The following SBF1 variants were observed in gnomAD, a reference collection of about 807,000 sequenced individuals.
SBF1 encodes SET binding factor 1, also known as myotubularin-related protein 5.
Under a neutral mutation model 215.8 loss-of-function variants are expected in SBF1, and 65 were observed. That is an observed-to-expected ratio of 0.30 (90% CI 0.25 to 0.37). The LOEUF is 0.37. Among genes scored for constraint, SBF1 ranks in the 10% least tolerant of loss-of-function variants. The probability of loss-of-function intolerance (pLI) is 1.00; values close to 1 mark genes in which losing one functional copy is unlikely to be tolerated. For missense variants in SBF1, 2,634 were observed against 2,667.8 expected (o/e 0.99, Z 0.28); for synonymous variants, 1,410 against 1,122.8 (o/e 1.26, Z -5.11).
rs761498880 is a variant in SBF1 at position 50,462,086 on chromosome 22, C to T, written c.2430G>A (p.Thr810=). Residue 810 remains threonine, a synonymous_variant, in exon 20 of 41, where the codon ACG becomes ACA. Coordinates refer to ENST00000380817, the MANE Select transcript of SBF1 (RefSeq NM_002972.4). ...MAGSVAESYD[T]ESGFEDAETC... ...TCTCTGCATCCTCGAAGCCGCTCTC[C>T]GTGTCATAGCTCTCGGCCACACTGC... 61 of 1,613,868 alleles carry T rather than the reference C, an allele frequency of 3.8e-5. No individual in the cohort carries two copies. Among genetic ancestry groups the T allele is most frequent in the Non-Finnish European group, 4.8e-5 (57 of 1,180,046 alleles).
Position 50,464,963 on chromosome 22 carries a change from C to A in SBF1, c.1332+38G>T, listed in dbSNP as rs769702055. 6.8e-6 allele frequency: 11 copies of A among 1,613,686 alleles called. No homozygotes were observed. In the South Asian group the frequency reaches 8.8e-5, roughly 13 times the overall value. Reference sequence around the variant, plus strand: ...TTAGGTAAGCCATGGTCAGGCGGAGCCAGGGCAGGGGGCTGGGAGGGCAGG... The same window carrying A: ...TTAGGTAAGCCATGGTCAGGCGGAGACAGGGCAGGGGGCTGGGAGGGCAGG... On this transcript the variant is annotated intron_variant, in intron 12 of 40. Coordinates refer to ENST00000380817, the MANE Select transcript of SBF1 (RefSeq NM_002972.4).
At chr22:50,470,364 C>T (rs2067953244) in intron 1 of SBF1, among the ~76,000 whole-genome samples, 1 of 152,194 alleles carries the variant, frequency 6.6e-6, no homozygotes, top group Non-Finnish European at 1.5e-5. Flanking sequence ...CACCATCTAC[C>T]TTGACCCTCT....
Position 50,462,100 on chromosome 22 carries a change from C to G in SBF1, c.2416G>C (p.Glu806Gln). The G allele has an allele frequency of 6.2e-7, 1 of 1,613,746 alleles. No homozygotes were observed. The highest frequency in any genetic ancestry group is 8.5e-7 in the Non-Finnish European group (1 of 1,180,042). The change falls in exon 20 of 41, where the codon GAG becomes CAG. Residue 806 changes from glutamate (E) to glutamine (Q), a missense_variant. Transcript: ENST00000380817. ...AAGCCGCTCTCCGTGTCATAGCTCTCGGCCACACTGCCAGCCATGCTGGGC... is the reference window on the plus strand; with the variant it reads ...AAGCCGCTCTCCGTGTCATAGCTCTGGGCCACACTGCCAGCCATGCTGGGC... ...VTNSMAGSVA[E>Q]SYDTESGFED... is the part of the protein sequence containing the mutation.
chr22:50,452,723 C>CAAAAAAAAAA (rs57951967), intron 36 of SBF1, among the ~76,000 whole-genome samples: 1 of 39,540 alleles, frequency 2.5e-5, no homozygotes, highest in African/African-American at 1.3e-4. Context: ...CTCCATCTCT[C>CAAAAAAAAAA]AAAAAAAAAA....
In SBF1 at chr22:50,459,960, G is replaced by A; in HGVS notation, c.3483C>T (p.Ile1161=). Residue 1161 remains isoleucine, a synonymous_variant, in exon 26 of 41, where the codon ATC becomes ATT. Coordinates refer to ENST00000380817, the MANE Select transcript of SBF1 (RefSeq NM_002972.4). ...RISPVNRMYA[I]CRSYPGLLIV... ...CCCTGGCCGGCCCTCACCTGCGGCAGATGGCATACATGCGGTTGACCGGAG... is the reference window on the plus strand; with the variant it reads ...CCCTGGCCGGCCCTCACCTGCGGCAAATGGCATACATGCGGTTGACCGGAG... 6.2e-7 allele frequency: 1 copy of A among 1,613,722 alleles called. No homozygotes were observed. Among genetic ancestry groups the A allele is most frequent in the South Asian group, 1.1e-5 (1 of 91,084 alleles).
Position 50,459,337 on chromosome 22 carries a change from C to G in SBF1, c.3744G>C (p.Val1248=). ...SLEQEKYLQA[V]VSSMPRYADA... is the part of the protein sequence containing the mutation. The stretch of plus-strand genomic sequence containing the variant: ...CGGCGTAGCGGGGCATGGAGCTGAC[C>G]ACAGCCTGCAGGTACTTCTCCTGCT... The change falls in exon 28 of 41, where the codon GTG becomes GTC. Residue 1248 remains valine, a synonymous_variant. Coordinates refer to ENST00000380817, the MANE Select transcript of SBF1 (RefSeq NM_002972.4). 1.9e-6 allele frequency: 3 copies of G among 1,612,864 alleles called. No homozygotes were observed. In the African/African-American group the frequency reaches 4.0e-5, roughly 21 times the overall value.
chr22:50,467,301 T>G (rs1251152618), intron 5 of SBF1, 37 bp downstream of exon 5: 5 of 1,556,376 alleles, frequency 3.2e-6, no homozygotes, highest in African/African-American at 1.4e-5. Flanking sequence ...CAGGAGGGCC[T>G]GTGGCTGTGC....
At chr22:50,469,063 G>A (rs1185481674) in intron 1 of SBF1, among the ~76,000 whole-genome samples, 1 of 152,224 alleles carries the variant, frequency 6.6e-6, no homozygotes, top group Non-Finnish European at 1.5e-5. Flanking sequence ...GCAGCTCCCT[G>A]TTAGAACACC....
rs370537453 is a variant in SBF1, at chr22:50,447,492, G to T, written c.5451+30C>A. The T allele has an allele frequency of 1.0e-5, 14 of 1,372,106 alleles. No individual in the cohort carries two copies. The East Asian group carries it at 2.8e-4, about 27-fold the overall frequency. 85.0% of individuals were successfully genotyped at this position (1,372,106 alleles called of 1,614,324 possible). On this transcript the variant is annotated intron_variant, in intron 39 of 40. Transcript: ENST00000380817. ...CAGAGTCAGCGGAGCCCCCTCCCCC[G>T]TGAGTCCCCCCCACCACCTGATCAC...
intron 17 of SBF1, 47 bp downstream of exon 17, chr22:50,462,823 C>T: frequency 6.2e-7 from 1 of 1,607,490 alleles, no homozygotes; most frequent in Non-Finnish European, 8.5e-7. Flanking sequence ...CCTCAGCCAC[C>T]AGGAAGGGGG....
At position 50,460,178 on chromosome 22, in the gene SBF1, C is replaced by T. The variant is rs756060835; in HGVS notation, c.3284-19G>A. On this transcript the variant is annotated intron_variant, in intron 25 of 40. Transcript: ENST00000380817. ...TCCGACACTGCACAGGCCGGGCACACGTGGTCATCACGGGGCCACTCCGCC... is the reference window on the plus strand; with the variant it reads ...TCCGACACTGCACAGGCCGGGCACATGTGGTCATCACGGGGCCACTCCGCC... The T allele has an allele frequency of 8.1e-6, 13 of 1,608,824 alleles. No individual in the cohort carries two copies. The East Asian group carries it at 2.0e-4, about 25-fold the overall frequency.
At position 50,454,495 on chromosome 22, in the gene SBF1, T is replaced by C. The variant is rs751957781; in HGVS notation, c.5043+17A>G. 1 of 1,603,416 alleles carries C rather than the reference T, an allele frequency of 6.2e-7. No individual in the cohort carries two copies. Among genetic ancestry groups the C allele is most frequent in the South Asian group, 1.1e-5 (1 of 90,996 alleles). ...AGGGGGGTGCCAGGCCAGACCCTGC[T>C]CTGGGATCACACGCACCTCCAGCAG... On this transcript the variant is annotated intron_variant, in intron 36 of 40. Transcript: ENST00000380817.
At chr22:50,471,105 G>C (rs1040016319) in intron 1 of SBF1, among the ~76,000 whole-genome samples, 5 of 152,180 alleles carry the variant, frequency 3.3e-5, no homozygotes, top group Non-Finnish European at 4.4e-5. Context: ...ACACAGGAGG[G>C]AGGGTGCCCT....
rs376937027 is a variant in SBF1, at chr22:50,448,443, C to T, written c.5153G>A (p.Gly1718Asp). The change falls in exon 38 of 41, where the codon GGC becomes GAC. Residue 1718 changes from glycine to aspartate, a missense_variant and splice_region_variant. By Grantham distance (94) the Gly-to-Asp change is moderately conservative. Transcript: ENST00000380817. ...GGACACAAGGAGGGAGCTAGGGGTG[C>T]CCTGGGAACAGGAGGTTGGGACTTG... is the stretch of plus-strand genomic sequence containing the variant. The part of the protein sequence containing the change: ...QRLEGRPDGR[G>D]TPSSLLVSTA... The T allele has an allele frequency of 8.7e-5, 140 of 1,613,418 alleles. No individual in the cohort carries two copies. Among genetic ancestry groups the T allele is most frequent in the Non-Finnish European group, 1.1e-4 (134 of 1,179,832 alleles).
Position 50,463,255 on chromosome 22 carries a change from A to T in SBF1, c.1899+28T>A, listed in dbSNP as rs746510890. The T allele has an allele frequency of 8.7e-6, 14 of 1,612,296 alleles. No homozygotes were observed. In the African/African-American group the frequency reaches 1.9e-4, roughly 22 times the overall value. ...TGTTCCCGCTCATGCGCCATGAGCCATGTCACTAGCAGGATAAGAGGCCTC... is the reference window on the plus strand; with the variant it reads ...TGTTCCCGCTCATGCGCCATGAGCCTTGTCACTAGCAGGATAAGAGGCCTC... On this transcript the variant is annotated intron_variant, in intron 16 of 40. Transcript: ENST00000380817.
rs776887895 is a variant in SBF1 at position 50,461,892 on chromosome 22, C to T, written c.2570-23G>A. The T allele has an allele frequency of 6.6e-5, 106 of 1,614,050 alleles. 2 individuals are homozygous for T. The South Asian group carries it at 1.1e-3, about 17-fold the overall frequency. On this transcript the variant is annotated intron_variant, in intron 20 of 40. Coordinates refer to ENST00000380817, the MANE Select transcript of SBF1 (RefSeq NM_002972.4). ...TGTCTGGGGGAAGACAGTTCTCACA[C>T]TTTGTGCCCAGCCCCACCCATCCAA... is the stretch of plus-strand genomic sequence containing the variant.
At position 50,466,500 on chromosome 22, in the gene SBF1, G is replaced by C; in HGVS notation, c.656-18C>G. On this transcript the variant is annotated intron_variant, in intron 6 of 40. Coordinates refer to ENST00000380817, the MANE Select transcript of SBF1 (RefSeq NM_002972.4). ...GGTGATGCCTAAAGGAAGAAGAGAAGCTTGGAGAGGACCCTGGGCCCCCAC... is the reference window on the plus strand; with the variant it reads ...GGTGATGCCTAAAGGAAGAAGAGAACCTTGGAGAGGACCCTGGGCCCCCAC... 6.5e-7 allele frequency: 1 copy of C among 1,537,850 alleles called. No individual in the cohort carries two copies. The highest frequency in any genetic ancestry group is 1.4e-5 in the African/African-American group (1 of 72,780).
At chr22:50,462,833 G>A in intron 17 of SBF1, 37 bp downstream of exon 17, 2 of 1,606,148 alleles carry the variant, frequency 1.2e-6, no homozygotes, top group Non-Finnish European at 1.7e-6. Flanking sequence ...CAGGAAGGGG[G>A]GGCTGGGAAG....
chr22:50,456,886 G>A (rs1481316643), intron 29 of SBF1, 148 bp downstream of exon 29: 20 of 749,402 alleles, frequency 2.7e-5, no homozygotes, highest in Middle Eastern at 2.5e-4. Flanking sequence ...GGACTCACGG[G>A]TCAGGGAGGT....
Sources: allele counts gnomAD v4.1 joint callset (sites outside exome capture counted in the v4.1 genomes callset), GRCh38; gene constraint gnomAD v4.1.1; transcripts MANE v1.5; gene names NCBI Gene and HGNC (gene_info 2026-07-23, HGNC 2026-07-21).